RBMS3: variants seen among roughly 807,000 people sequenced by gnomAD.
The protein encoded by RBMS3 is RNA-binding motif, single-stranded-interacting protein 3.
A neutral mutation model predicts 66.8 loss-of-function variants in RBMS3; 27 were observed. The observed-to-expected ratio is 0.40, with a 90% CI of 0.30 to 0.56. The LOEUF (loss-of-function observed/expected upper bound fraction) is 0.56, where lower values mean the gene tolerates loss of function less well. RBMS3 is among the 20% of genes least tolerant of loss of function. RBMS3 has a pLI of 0.40. For synonymous variants in RBMS3, 188 were observed against 183.0 expected (o/e 1.03, Z -0.22); for missense variants, 513 against 549.5 (o/e 0.93, Z 0.66).
At chr3:29,666,707 C>A (rs115761422) in intron 4 of RBMS3, among the ~76,000 whole-genome samples, 1 of 152,066 alleles carries the variant, frequency 6.6e-6, no homozygotes, top group East Asian at 1.9e-4. Context: ...TTTGCATCAT[C>A]GGCATTAATT....
At chr3:29,815,951 GA>G (rs771976461) in intron 6 of RBMS3, among the ~76,000 whole-genome samples, 15 of 138,596 alleles carry the variant, frequency 1.1e-4, no homozygotes, top group African/African-American at 1.8e-4. Context: ...AAATAAAAAG[GA>G]AAAAAAAAAG....
At chr3:29,648,364 C>T (rs1293918523) in intron 4 of RBMS3, among the ~76,000 whole-genome samples, 1 of 148,958 alleles carries the variant, frequency 6.7e-6, no homozygotes, top group African/African-American at 2.5e-5. Context: ...CTCTCTGTCC[C>T]AGGCTCAAGT....
At chr3:29,599,601 A>T (rs2048076599) in intron 4 of RBMS3, among the ~76,000 whole-genome samples, 1 of 152,086 alleles carries the variant, frequency 6.6e-6, no homozygotes, top group African/African-American at 2.4e-5. Context: ...TCCAATCAAC[A>T]TGAAAAGACA....
intron 2 of RBMS3, among the ~76,000 whole-genome samples, chr3:29,446,726 T>C (rs1302712511): frequency 6.6e-6 from 1 of 152,268 alleles, no homozygotes; most frequent in African/African-American, 2.4e-5. Flanking sequence ...TAAAGCAGTT[T>C]AAAACATGGT....
chr3:29,647,347 T>C (rs1288834079), intron 4 of RBMS3, among the ~76,000 whole-genome samples: 5 of 152,118 alleles, frequency 3.3e-5, no homozygotes, highest in Non-Finnish European at 5.9e-5. Flanking sequence ...CCAGGAAGTG[T>C]CTTAACACTT....
At chr3:29,628,828 A>AT (rs2149171598) in intron 4 of RBMS3, among the ~76,000 whole-genome samples, 1 of 152,264 alleles carries the variant, frequency 6.6e-6, no homozygotes, top group South Asian at 2.1e-4. Flanking sequence ...GCATAAGCAA[A>AT]TTAAGGTAAA....
intron 6 of RBMS3, among the ~76,000 whole-genome samples, chr3:29,866,646 T>G (rs2059370510): frequency 6.6e-6 from 1 of 152,238 alleles, no homozygotes; most frequent in Non-Finnish European, 1.5e-5. Flanking sequence ...GGAAATTATG[T>G]TACTCAGAGA....
At position 29,734,030 on chromosome 3, in the gene RBMS3, A is replaced by C. The variant is rs189432738; in HGVS notation, c.400-5690A>C. ...TTAGTATGTGTACACACACACCCAC[A>C]CACACACACACAGTGGAATACTATT... On this transcript the variant is annotated intron_variant, in intron 4 of 14. Transcript: ENST00000383767. Among the ~76,000 whole-genome samples the C allele has an allele frequency of 4.1e-3, 620 of 152,244 alleles. 5 individuals carry two copies. The highest frequency in any genetic ancestry group is 0.014 in the African/African-American group (600 of 41,562).
chr3:29,651,069 A>C (rs1316518812), intron 4 of RBMS3, among the ~76,000 whole-genome samples: 1 of 152,186 alleles, frequency 6.6e-6, no homozygotes. Context: ...TTACTTTATC[A>C]AACCAATAGG....
At chr3:29,996,245 C>G (rs1218518062) in intron 14 of RBMS3, among the ~76,000 whole-genome samples, 4 of 151,716 alleles carry the variant, frequency 2.6e-5, no homozygotes, top group Non-Finnish European at 4.4e-5. Context: ...GCACCCAATA[C>G]AGGAGCACCA....
At chr3:29,503,364 C>T (rs2044050959) in intron 3 of RBMS3, among the ~76,000 whole-genome samples, 1 of 152,042 alleles carries the variant, frequency 6.6e-6, no homozygotes, top group African/African-American at 2.4e-5. Flanking sequence ...TCCCTTCTGT[C>T]CTTTACGGAA....
At chr3:29,667,963 T>C (rs773283024) in intron 4 of RBMS3, among the ~76,000 whole-genome samples, 1 of 152,144 alleles carries the variant, frequency 6.6e-6, no homozygotes, top group Non-Finnish European at 1.5e-5. Context: ...AGAATAAGGA[T>C]AGGAGATGTT....
intron 6 of RBMS3, among the ~76,000 whole-genome samples, chr3:29,836,406 C>A (rs941254962): frequency 1.3e-5 from 2 of 152,058 alleles, no homozygotes; most frequent in Non-Finnish European, 2.9e-5. Flanking sequence ...TTAAATGGAT[C>A]ATACACTATG....
intron 1 of RBMS3, among the ~76,000 whole-genome samples, chr3:29,307,702 T>A (rs1209732919): frequency 6.6e-6 from 1 of 151,838 alleles, no homozygotes; most frequent in Non-Finnish European, 1.5e-5. Flanking sequence ...AAGAAAAACA[T>A]GTTATTTATG....
intron 5 of RBMS3, among the ~76,000 whole-genome samples, chr3:29,742,226 C>A (rs1174700882): frequency 1.3e-5 from 2 of 152,162 alleles, no homozygotes; most frequent in East Asian, 3.9e-4. Context: ...AGTTATTTTT[C>A]TTTAGGAACT....
chr3:29,988,654 G>A (rs1054002446), intron 13 of RBMS3, among the ~76,000 whole-genome samples: 2 of 152,138 alleles, frequency 1.3e-5, no homozygotes, highest in Admixed American at 1.3e-4. Flanking sequence ...TGGGCATGAT[G>A]GCATGCACCT....
intron 1 of RBMS3, among the ~76,000 whole-genome samples, chr3:29,391,713 G>T (rs2039304387): frequency 6.6e-6 from 1 of 152,114 alleles, no homozygotes; most frequent in Admixed American, 6.6e-5. Flanking sequence ...GGGAAAAGAT[G>T]TTCATATCAA....
intron 1 of RBMS3, among the ~76,000 whole-genome samples, chr3:29,320,871 T>G (rs1319404806): frequency 6.6e-6 from 1 of 151,928 alleles, no homozygotes; most frequent in East Asian, 1.9e-4. Context: ...AGAATAAACT[T>G]TGAAGTCAGA....
chr3:29,976,620 A>G (rs1337516125), intron 12 of RBMS3, among the ~76,000 whole-genome samples: 1 of 152,074 alleles, frequency 6.6e-6, no homozygotes, highest in Non-Finnish European at 1.5e-5. Context: ...CTCGACGCTC[A>G]AGGAAAATAT....
Sources: gnomAD v4.1 joint callset for allele counts (sites outside exome capture counted in the v4.1 genomes callset) on GRCh38, gnomAD v4.1.1 for gene constraint, MANE v1.5 for transcripts, NCBI Gene and HGNC (gene_info 2026-07-23, HGNC 2026-07-21) for gene names.